The following ZDHHC15 variants were observed in gnomAD, a reference collection of about 807,000 sequenced individuals.
ZDHHC15 encodes the protein palmitoyltransferase ZDHHC15.
In ZDHHC15, 19 loss-of-function variants were observed where a neutral mutation model predicts 31.7. That is an observed-to-expected ratio of 0.60 (90% confidence interval 0.42 to 0.88). ZDHHC15 has a LOEUF of 0.88. Among genes scored for constraint, ZDHHC15 ranks in the 40% least tolerant of loss-of-function variants. The pLI is 0.00. For synonymous variants in ZDHHC15, 103 were observed against 90.0 expected (o/e 1.14, Z -0.82); for missense variants, 209 against 251.2 (o/e 0.83, Z 1.14).
At chrX:75,430,669 G>A (rs1424418619) in intron 5 of ZDHHC15, among the ~76,000 whole-genome samples, 1 of 111,696 alleles carries the variant, frequency 9.0e-6, no homozygotes, top group Non-Finnish European at 1.9e-5. Flanking sequence ...TCCTTTCAAA[G>A]AGTAAAGCAT....
intron 10 of ZDHHC15, among the ~76,000 whole-genome samples, chrX:75,406,809 G>A (rs949670689): frequency 9.0e-6 from 1 of 110,949 alleles, no homozygotes; most frequent in Non-Finnish European, 1.9e-5. Flanking sequence ...AAATTGAAGA[G>A]GTGGGAATAC....
chrX:75,427,978 C>T (rs1228034331), intron 7 of ZDHHC15, among the ~76,000 whole-genome samples: 2 of 111,478 alleles, frequency 1.8e-5, no homozygotes, highest in East Asian at 5.6e-4. Context: ...ATATTCTTGG[C>T]TATTTAGGTT....
chrX:75,477,866 CTTA>C (rs1468473396), intron 3 of ZDHHC15, among the ~76,000 whole-genome samples: 4 of 111,897 alleles, frequency 3.6e-5, no homozygotes, highest in Non-Finnish European at 5.6e-5. Flanking sequence ...CAAGTAATTA[CTTA>C]TTATGAATAA....
chrX:75,412,125 C>T (rs368558424), intron 10 of ZDHHC15, among the ~76,000 whole-genome samples: 14 of 111,758 alleles, frequency 1.3e-4, no homozygotes, highest in African/African-American at 4.6e-4. Flanking sequence ...CAAAAGATAA[C>T]TAACGTTGGT....
At chrX:75,491,350 A>C (rs1251032850) in intron 2 of ZDHHC15, among the ~76,000 whole-genome samples, 1 of 108,242 alleles carries the variant, frequency 9.2e-6, no homozygotes, top group East Asian at 2.9e-4. Flanking sequence ...ATTGGAAATC[A>C]TCATTCTCAG....
At position 75,382,622 on chromosome X, in the gene ZDHHC15, G is replaced by A. The variant is rs764772852; in HGVS notation, c.968-3424C>T. Among the ~76,000 whole-genome samples, 14 of 112,041 alleles carry A rather than the reference G, an allele frequency of 1.2e-4. No homozygotes were observed. The South Asian group carries it at 3.3e-3, about 27-fold the overall frequency. On this transcript the variant is annotated intron_variant, in intron 10 of 11. Coordinates refer to ENST00000373367, the MANE Select transcript of ZDHHC15 (RefSeq NM_144969.3). ...AAGAGGGAACAAGTAAGTGTATATC[G>A]AGAGAATACACGAAGAAAGAAATTT...
chrX:75,488,877 G>C (rs1353575965), intron 2 of ZDHHC15, among the ~76,000 whole-genome samples: 3 of 112,007 alleles, frequency 2.7e-5, no homozygotes, highest in African/African-American at 9.7e-5. Flanking sequence ...GACGGCACCT[G>C]GAAAATCGGG....
intron 2 of ZDHHC15, among the ~76,000 whole-genome samples, chrX:75,490,165 T>G (rs1205842988): frequency 4.5e-5 from 5 of 111,931 alleles, no homozygotes; most frequent in African/African-American, 1.3e-4. Flanking sequence ...GAAAACACCC[T>G]GAAGGATATT....
rs745807685 is a variant in ZDHHC15, at chrX:75,517,989, AAAAC to A, written c.136+4896_136+4899del. 3.2e-4 allele frequency among the ~76,000 whole-genome samples: 35 copies of A among 110,494 alleles called. No individual in the cohort carries two copies. In the South Asian group the frequency reaches 7.6e-3, roughly 24 times the overall value. ...CAAAAACAAAAACAAAAAAAAACAAAAAACAAACAAACAAACAAAAAACCAAAAC... is the reference window on the plus strand; with the variant it reads ...CAAAAACAAAAACAAAAAAAAACAAAAAACAAACAAACAAAAAACCAAAAC... On this transcript the variant is annotated intron_variant, in intron 1 of 11. Transcript: ENST00000373367.
chrX:75,379,571 C>A (rs2083093929), intron 10 of ZDHHC15, among the ~76,000 whole-genome samples: 1 of 111,804 alleles, frequency 8.9e-6, no homozygotes, highest in Non-Finnish European at 1.9e-5. Context: ...TTAGCTATTA[C>A]AGTACTTTAG....
At chrX:75,392,003 T>C (rs1442053319) in intron 10 of ZDHHC15, among the ~76,000 whole-genome samples, 1 of 112,639 alleles carries the variant, frequency 8.9e-6, no homozygotes, top group Non-Finnish European at 1.9e-5. Flanking sequence ...TTATCTTTGT[T>C]TGTTTATGCA....
chrX:75,510,356 A>C (rs1275935897), intron 1 of ZDHHC15, among the ~76,000 whole-genome samples: 2 of 110,376 alleles, frequency 1.8e-5, no homozygotes, highest in Non-Finnish European at 3.8e-5. Flanking sequence ...TGATACATTT[A>C]ACTGTTTGTC....
Position 75,462,704 on chromosome X carries a change from C to T in ZDHHC15, c.259-11782G>A, listed in dbSNP as rs2084338180. 3.6e-5 allele frequency among the ~76,000 whole-genome samples: 4 copies of T among 111,665 alleles called. No individual in the cohort carries two copies. In the South Asian group the frequency reaches 1.5e-3, roughly 42 times the overall value. On this transcript the variant is annotated intron_variant, in intron 3 of 11. Coordinates refer to ENST00000373367, the MANE Select transcript of ZDHHC15 (RefSeq NM_144969.3). ...ATAATGACATTAAGACAGAAATCAA[C>T]AAGTTCTTTGAAACGAATGAGAACC...
chrX:75,374,467 G>A (rs1602530754), intron 11 of ZDHHC15, among the ~76,000 whole-genome samples: 3 of 109,245 alleles, frequency 2.7e-5, no homozygotes, highest in Admixed American at 9.9e-5. Context: ...ACAGGGACAG[G>A]ATAGAAAAAT....
At chrX:75,491,158 T>C (rs769916233) in intron 2 of ZDHHC15, among the ~76,000 whole-genome samples, 3 of 111,163 alleles carry the variant, frequency 2.7e-5, no homozygotes, top group African/African-American at 9.8e-5. Flanking sequence ...ATCATGTTGC[T>C]ATAAAGACAC....
Position 75,429,812 on chromosome X carries a change from C to G in ZDHHC15, c.482+136G>C, listed in dbSNP as rs141894330. The G allele has an allele frequency of 1.5e-3, 866 of 589,400 alleles. 4 individuals carry two copies. The African/African-American group carries it at 0.018, about 12-fold the overall frequency. The allele number at this position is 589,400 out of a possible 1,213,427, so 48.6% of individuals were successfully genotyped here. ...CTTTATTTAAAATGTTACCCCTCCC[C>G]TGTCCCCTACAGAAATATAAAACCC... On this transcript the variant is annotated intron_variant, in intron 6 of 11. Coordinates refer to ENST00000373367, the MANE Select transcript of ZDHHC15 (RefSeq NM_144969.3).
chrX:75,478,388 C>T (rs1309292607), intron 3 of ZDHHC15, among the ~76,000 whole-genome samples: 5 of 111,042 alleles, frequency 4.5e-5, no homozygotes, highest in Non-Finnish European at 9.4e-5. Flanking sequence ...GTTTCCTACT[C>T]TTTTTAAAAT....
rs1300667612 is a variant in ZDHHC15 at position 75,369,425 on chromosome X, A to G, written c.*3553T>C. On this transcript the variant is annotated 3_prime_UTR_variant, in exon 12 of 12. Coordinates refer to ENST00000373367, the MANE Select transcript of ZDHHC15 (RefSeq NM_144969.3). The stretch of plus-strand genomic sequence containing the variant: ...TTTCAATGACTGTTACATTCCTATG[A>G]ATTTGGGCCCTGTTAAATTAATTTT... 2 of 110,747 alleles carry G rather than the reference A, an allele frequency of 1.8e-5. No homozygotes were observed. The highest frequency in any genetic ancestry group is 3.8e-5 in the Non-Finnish European group (2 of 52,939). The allele number at this position is 110,747 out of a possible 1,213,427, so 9.1% of individuals were successfully genotyped here.
intron 1 of ZDHHC15, among the ~76,000 whole-genome samples, chrX:75,507,614 C>G (rs2085188602): frequency 9.0e-6 from 1 of 111,468 alleles, no homozygotes; most frequent in South Asian, 3.7e-4. Flanking sequence ...TACATTTAGC[C>G]ATGCTATGGG....
Sources: allele counts gnomAD v4.1 joint callset (sites outside exome capture counted in the v4.1 genomes callset), GRCh38; gene constraint gnomAD v4.1.1; transcripts MANE v1.5; gene names NCBI Gene and HGNC (gene_info 2026-07-23, HGNC 2026-07-21).